Variants in FHL5 observed in about 807,000 individuals in gnomAD.
The protein encoded by FHL5 is four and a half LIM domains 5.
FHL5 carries 33 observed loss-of-function variants against 32.0 expected under a neutral mutation model. That is an observed-to-expected ratio of 1.03 (90% CI 0.78 to 1.38). FHL5 has a LOEUF of 1.38. Ranked by LOEUF, FHL5 falls within the 40% of genes most tolerant of loss-of-function variation. The probability of loss-of-function intolerance (pLI) is 0.00; values close to 1 mark genes in which losing one functional copy is unlikely to be tolerated. For missense variants in FHL5, 336 were observed against 343.9 expected (o/e 0.98, Z 0.18); for synonymous variants, 114 against 113.6 (o/e 1.00, Z -0.02).
intron 4 of FHL5, among the ~76,000 whole-genome samples, chr6:96,606,334 C>A (rs528371034): frequency 1.7e-3 from 265 of 151,742 alleles, no homozygotes; most frequent in Non-Finnish European, 2.8e-3. Flanking sequence ...CAGTTCATTT[C>A]ACTGTTTTTT....
rs1176600103 is a variant in FHL5, at chr6:96,617,295, T to C, written c.*1523T>C. Among the ~76,000 whole-genome samples the C allele has an allele frequency of 6.6e-6, 1 of 152,198 alleles. No individual in the cohort carries two copies. Among genetic ancestry groups the C allele is most frequent in the Non-Finnish European group, 1.5e-5 (1 of 68,038 alleles). On this transcript the variant is annotated 3_prime_UTR_variant, in exon 6 of 6. Transcript: ENST00000450218. ...CTGTCTTCTCTCAGATTACACATTA[T>C]AGCATTAAAGGTTTTGATTAAAATC...
intron 4 of FHL5, among the ~76,000 whole-genome samples, chr6:96,606,803 A>AT (rs1357884646): frequency 2.6e-5 from 4 of 152,212 alleles, no homozygotes; most frequent in African/African-American, 7.2e-5. Flanking sequence ...TGACTAAGGG[A>AT]ACCAAGTTAA....
intron 1 of FHL5, among the ~76,000 whole-genome samples, chr6:96,598,824 T>C (rs1310093415): frequency 6.6e-6 from 1 of 152,230 alleles, no homozygotes; most frequent in Non-Finnish European, 1.5e-5. Flanking sequence ...ACAGTGTGTC[T>C]ATTTTTATAT....
chr6:96,602,154 C>T (rs1771161370), intron 1 of FHL5, among the ~76,000 whole-genome samples: 1 of 152,114 alleles, frequency 6.6e-6, no homozygotes, highest in African/African-American at 2.4e-5. Flanking sequence ...AGGCAAAACG[C>T]ATGAGAATAA....
intron 1 of FHL5, among the ~76,000 whole-genome samples, chr6:96,583,621 G>C (rs1770738578): frequency 6.6e-6 from 1 of 152,094 alleles, no homozygotes; most frequent in Admixed American, 6.6e-5. Flanking sequence ...CCGAAGTTTA[G>C]AGAAAAGCCC....
At chr6:96,578,465 T>C (rs948139768) in intron 1 of FHL5, among the ~76,000 whole-genome samples, 25 of 152,202 alleles carry the variant, frequency 1.6e-4, no homozygotes, top group Non-Finnish European at 3.2e-4. Context: ...TGGCTGATCT[T>C]CTCTTTTACT....
chr6:96,615,599 TCC>T lies in FHL5; in HGVS notation c.692-9_692-8del. ...GGATAGATTAATCTTTTTCTCCAAT[TCC>T]TTTACAGGTCTCACAGGTGCCAAGT... On this transcript the variant is annotated splice_region_variant and splice_polypyrimidine_tract_variant and intron_variant, in intron 5 of 5. Coordinates refer to ENST00000450218, the MANE Select transcript of FHL5 (RefSeq NM_001322466.2). 6.3e-7 allele frequency: 1 copy of T among 1,589,696 alleles called. No individual in the cohort carries two copies. Among genetic ancestry groups the T allele is most frequent in the Admixed American group, 1.8e-5 (1 of 56,430 alleles).
Position 96,615,643 on chromosome 6 carries a change from C to T in FHL5, c.726C>T (p.Asp242=). 1 of 1,612,468 alleles carries T rather than the reference C, an allele frequency of 6.2e-7. No individual in the cohort carries two copies. The highest frequency in any genetic ancestry group is 1.1e-5 in the South Asian group (1 of 90,716). Residue 242 remains aspartate, a synonymous_variant, in exon 6 of 6, where the codon GAC becomes GAT. Coordinates refer to ENST00000450218, the MANE Select transcript of FHL5 (RefSeq NM_001322466.2). ...LTGAKFICFQ[D]SQWHSECFNC... The stretch of plus-strand genomic sequence containing the variant: ...GTGCCAAGTTTATCTGCTTTCAAGA[C>T]AGCCAGTGGCATAGCGAATGCTTTA...
At chr6:96,601,197 G>A (rs796914150) in intron 1 of FHL5, among the ~76,000 whole-genome samples, 12 of 152,178 alleles carry the variant, frequency 7.9e-5, no homozygotes, top group African/African-American at 2.4e-4. Flanking sequence ...AGCCAGGCAC[G>A]GTGGCATGAG....
chr6:96,609,344 T>C (rs951932266), intron 4 of FHL5, among the ~76,000 whole-genome samples: 1 of 152,140 alleles, frequency 6.6e-6, no homozygotes, highest in African/African-American at 2.4e-5. Flanking sequence ...TATAAAACAC[T>C]TACAAAAACA....
chr6:96,587,336 T>C (rs1770820123), intron 1 of FHL5, among the ~76,000 whole-genome samples: 1 of 152,162 alleles, frequency 6.6e-6, no homozygotes, highest in African/African-American at 2.4e-5. Context: ...TTTTGTTTCC[T>C]AATCTTAAAA....
intron 1 of FHL5, among the ~76,000 whole-genome samples, chr6:96,602,442 T>C (rs1771172515): frequency 1.8e-5 from 2 of 108,884 alleles, no homozygotes; most frequent in Non-Finnish European, 3.6e-5. Flanking sequence ...TTTTTTTTTT[T>C]TTTTTTTTTT....
chr6:96,569,539 C>G (rs1182086471), intron 1 of FHL5, among the ~76,000 whole-genome samples: 1 of 151,990 alleles, frequency 6.6e-6, no homozygotes, highest in African/African-American at 2.4e-5. Flanking sequence ...AAGTCCCCAG[C>G]TATAATTGTA....
At chr6:96,583,572 A>G (rs1770737340) in intron 1 of FHL5, among the ~76,000 whole-genome samples, 1 of 152,168 alleles carries the variant, frequency 6.6e-6, no homozygotes. Context: ...GAAGTATCTG[A>G]TCGAACAGTT....
intron 1 of FHL5, among the ~76,000 whole-genome samples, chr6:96,567,728 T>G (rs1449234651): frequency 6.7e-6 from 1 of 148,544 alleles, no homozygotes; most frequent in East Asian, 1.9e-4. Flanking sequence ...TATTCCTACA[T>G]GGCTTTTTTT....
chr6:96,587,714 ATTG>A (rs1770827493), intron 1 of FHL5, among the ~76,000 whole-genome samples: 1 of 152,208 alleles, frequency 6.6e-6, no homozygotes, highest in Non-Finnish European at 1.5e-5. Flanking sequence ...ATAATCTTAT[ATTG>A]CATCCTGAAT....
chr6:96,613,345 C>T (rs1389242844), intron 5 of FHL5, among the ~76,000 whole-genome samples: 1 of 152,168 alleles, frequency 6.6e-6, no homozygotes, highest in Non-Finnish European at 1.5e-5. Context: ...TGAACAAACT[C>T]CAGATATAGC....
rs1207234650 is a variant in FHL5 at position 96,580,848 on chromosome 6, A to G, written c.-13+17493A>G. Among the ~76,000 whole-genome samples, 3 of 152,180 alleles carry G rather than the reference A, an allele frequency of 2.0e-5. No individual in the cohort carries two copies. The East Asian group carries it at 5.8e-4, about 29-fold the overall frequency. On this transcript the variant is annotated intron_variant, in intron 1 of 5. Coordinates refer to ENST00000450218, the MANE Select transcript of FHL5 (RefSeq NM_001322466.2). ...ATCATAGATTTTTTAAAACTGCTTT[A>G]TAGGCTCTATTAGATAAAGAATATA...
chr6:96,591,130 A>T (rs1770906353), intron 1 of FHL5, among the ~76,000 whole-genome samples: 1 of 151,940 alleles, frequency 6.6e-6, no homozygotes, highest in African/African-American at 2.4e-5. Flanking sequence ...TACTTACTTG[A>T]TTTGGTTTGT....
Sources: gnomAD v4.1 joint callset for allele counts (sites outside exome capture counted in the v4.1 genomes callset) on GRCh38, gnomAD v4.1.1 for gene constraint, MANE v1.5 for transcripts, NCBI Gene and HGNC (gene_info 2026-07-23, HGNC 2026-07-21) for gene names.